ZNF420: variants seen among roughly 807,000 people sequenced by gnomAD.
ZNF420 encodes ATM and p53-associated KZNF protein.
In ZNF420, 31 loss-of-function variants were observed where a neutral mutation model predicts 44.7. That is an observed-to-expected ratio of 0.69 (90% CI 0.52 to 0.94). The LOEUF is 0.94. ZNF420 is among the 40% of genes least tolerant of loss of function. ZNF420 has a pLI of 0.00. For synonymous variants in ZNF420, 245 were observed against 267.4 expected, an observed-to-expected ratio of 0.92 and a Z score of 0.82; for missense variants, 681 against 827.9, an observed-to-expected ratio of 0.82 and a Z score of 2.18.
chr19:37,125,950 C>G (rs1240485070), intron 4 of ZNF420, among the ~76,000 whole-genome samples: 1 of 152,154 alleles, frequency 6.6e-6, no homozygotes, highest in Non-Finnish European at 1.5e-5. Context: ...TTATTGTTGC[C>G]CAGCCCTGTG....
At chr19:37,008,148 T>A (rs1568416218) in intron 1 of ZNF420, 6 of 300,392 alleles carry the variant, frequency 2.0e-5, no homozygotes, top group Non-Finnish European at 3.1e-5. Flanking sequence ...GCCTGTAGGC[T>A]ACTCTCTCAC....
chr19:37,036,673 A>G (rs1433173843), intron 1 of ZNF420, among the ~76,000 whole-genome samples: 1 of 152,220 alleles, frequency 6.6e-6, no homozygotes, highest in Admixed American at 6.5e-5. Context: ...TTCAGTAACA[A>G]TCTTGAGTCT....
rs902968208 is a variant in ZNF420 at position 37,055,187 on chromosome 19, C to T, written c.-124-25158C>T. Among the ~76,000 whole-genome samples, 7 of 152,062 alleles carry T rather than the reference C, an allele frequency of 4.6e-5. No individual in the cohort carries two copies. The East Asian group carries it at 5.8e-4, about 13-fold the overall frequency. Reference sequence around the variant, plus strand: ...CTTGAGTCCAGGAGTTGGAGATGAGCGAGGCAACATAGTAAGTCCCCATTC... The same window carrying T: ...CTTGAGTCCAGGAGTTGGAGATGAGTGAGGCAACATAGTAAGTCCCCATTC... On this transcript the variant is annotated intron_variant, in intron 1 of 4. Transcript: ENST00000587029.
At position 37,130,264 on chromosome 19, in the gene ZNF420, C is replaced by A; in HGVS notation, c.*1206C>A. Reference sequence around the variant, plus strand: ...ACTTTGTGGAACAGCCATACTAGCTCTGGTCTGCTTGCCTCCTGTTTCTCT... The same window carrying A: ...ACTTTGTGGAACAGCCATACTAGCTATGGTCTGCTTGCCTCCTGTTTCTCT... On this transcript the variant is annotated 3_prime_UTR_variant, in exon 5 of 5. Transcript: ENST00000337995. 6.8e-7 allele frequency: 1 copy of A among 1,471,044 alleles called. No individual in the cohort carries two copies. The highest frequency in any genetic ancestry group is 9.0e-7 in the Non-Finnish European group (1 of 1,109,198). The allele number at this position is 1,471,044 out of a possible 1,614,324, so 91.1% of individuals were successfully genotyped here.
At chr19:37,054,419 A>G (rs925991800) in intron 1 of ZNF420, among the ~76,000 whole-genome samples, 4 of 152,300 alleles carry the variant, frequency 2.6e-5, no homozygotes, top group African/African-American at 9.6e-5. Context: ...CTCAGTTGGA[A>G]ATGCAGAAAT....
upstream of ZNF420, among the ~76,000 whole-genome samples, chr19:37,076,017 T>C (rs1968141909): frequency 6.6e-6 from 1 of 152,164 alleles, no homozygotes; most frequent in African/African-American, 2.4e-5. Context: ...CTTTTTTAGC[T>C]TAAAGTACCT....
intron 1 of ZNF420, 90 bp downstream of exon 1, chr19:37,078,660 G>A (rs577329467): frequency 6.6e-6 from 1 of 152,510 alleles, no homozygotes; most frequent in South Asian, 2.1e-4. Flanking sequence ...TTTGTGTGCA[G>A]GCTACAGCCT....
chr19:37,061,903 G>T (rs1244570142), intron 1 of ZNF420, among the ~76,000 whole-genome samples: 2 of 152,138 alleles, frequency 1.3e-5, no homozygotes, highest in Non-Finnish European at 2.9e-5. Flanking sequence ...TTAATTCAAC[G>T]TTTAATGGTG....
intron 2 of ZNF420, among the ~76,000 whole-genome samples, chr19:37,081,328 G>A (rs576650261): frequency 1.3e-5 from 2 of 152,052 alleles, no homozygotes; most frequent in Admixed American, 1.3e-4. Context: ...ATGCATCTTA[G>A]TAAATGTTCC....
intron 4 of ZNF420, among the ~76,000 whole-genome samples, chr19:37,125,807 G>C (rs549702531): frequency 4.6e-5 from 7 of 152,104 alleles, no homozygotes; most frequent in Middle Eastern, 3.4e-3. Context: ...TTTGAAATTT[G>C]AGCTGATTCA....
At chr19:37,042,361 G>A (rs1231090853) in intron 1 of ZNF420, among the ~76,000 whole-genome samples, 2 of 152,208 alleles carry the variant, frequency 1.3e-5, no homozygotes, top group Admixed American at 6.5e-5. Flanking sequence ...TCATCCTGAA[G>A]GCAATTTTTT....
chr19:37,073,688 C>T (rs138267642), upstream of ZNF420, among the ~76,000 whole-genome samples: 479 of 146,736 alleles, frequency 3.3e-3, 5 homozygotes, highest in African/African-American at 0.012. Context: ...TGCAGTGAGC[C>T]GAGCCGAGAT....
At chr19:37,101,135 T>C (rs762372172) in intron 4 of ZNF420, among the ~76,000 whole-genome samples, 74 of 152,256 alleles carry the variant, frequency 4.9e-4, no homozygotes, top group Non-Finnish European at 9.6e-4. Context: ...TTTGTTGAGC[T>C]CATATTTTCC....
intron 1 of ZNF420, among the ~76,000 whole-genome samples, chr19:37,019,327 T>TA (rs1390854996): frequency 3.9e-5 from 6 of 152,174 alleles, no homozygotes; most frequent in Non-Finnish European, 8.8e-5. Context: ...TATAAGGAGA[T>TA]ACTACTTTAT....
chr19:37,012,764 C>CTGTGTGTGTGTGTGTG (rs759249724), intron 1 of ZNF420, among the ~76,000 whole-genome samples: 1 of 132,268 alleles, frequency 7.6e-6, no homozygotes, highest in African/African-American at 3.1e-5. Context: ...TGCTATATGT[C>CTGTGTGTGTGTGTGTG]TCTGTGTGTG....
At chr19:37,044,014 G>C (rs1967502050) in intron 1 of ZNF420, among the ~76,000 whole-genome samples, 1 of 152,212 alleles carries the variant, frequency 6.6e-6, no homozygotes, top group African/African-American at 2.4e-5. Context: ...CAGCTACCAG[G>C]TTCTTCTGGA....
intron 4 of ZNF420, among the ~76,000 whole-genome samples, chr19:37,105,511 GT>G (rs1239907042): frequency 4.0e-5 from 6 of 149,376 alleles, no homozygotes; most frequent in African/African-American, 7.3e-5. Flanking sequence ...TTGAACTTTA[GT>G]TTTTTTCCAA....
At chr19:37,079,289 C>A (rs1276208391) in intron 1 of ZNF420, among the ~76,000 whole-genome samples, 1 of 152,106 alleles carries the variant, frequency 6.6e-6, no homozygotes, top group African/African-American at 2.4e-5. Context: ...CTTTATGTGG[C>A]CATTTGTATA....
Position 37,089,025 on chromosome 19 carries a change from T to C in ZNF420, c.-80-14T>C. The C allele has an allele frequency of 8.9e-7, 1 of 1,125,922 alleles. No homozygotes were observed. The highest frequency in any genetic ancestry group is 1.4e-6 in the Non-Finnish European group (1 of 735,720). 69.7% of individuals were successfully genotyped at this position (1,125,922 alleles called of 1,614,324 possible). ...AAAACACCTGGTCTCATGGTTCTGC[T>C]TTCTCCTCCGTAGCTCTGCATTCTC... On this transcript the variant is annotated splice_polypyrimidine_tract_variant and intron_variant, in intron 2 of 4. Transcript: ENST00000337995.
Sources: allele counts gnomAD v4.1 joint callset (sites outside exome capture counted in the v4.1 genomes callset), GRCh38; gene constraint gnomAD v4.1.1; transcripts MANE v1.5; gene names NCBI Gene and HGNC (gene_info 2026-07-23, HGNC 2026-07-21).